Variants in C5orf46 observed in about 807,000 individuals in gnomAD.
C5orf46 encodes the protein chromosome 5 open reading frame 46, also known as uncharacterized protein C5orf46.
Under a neutral mutation model 8.9 loss-of-function variants are expected in C5orf46, and 9 were observed. The ratio of observed to expected loss-of-function variants is 1.01; its 90% CI spans 0.61 to 1.76. C5orf46 has a LOEUF of 1.76. Among genes scored for constraint, C5orf46 ranks in the 40% most tolerant of loss-of-function variants. The pLI is 0.00. For synonymous variants in C5orf46, 47 were observed against 41.4 expected, an observed-to-expected ratio of 1.14 and a Z score of -0.52; for missense variants, 98 against 107.8, an observed-to-expected ratio of 0.91 and a Z score of 0.40.
At chr5:147,886,290 A>G (rs946869453) in intron 2 of C5orf46, 1 of 152,224 alleles carries the variant, frequency 6.6e-6, no homozygotes, top group African/African-American at 2.4e-5. Context: ...ACTGGTTTTG[A>G]TGTAGCAGCA....
chr5:147,889,890 ATC>A (rs1757477707), downstream of C5orf46, among the ~76,000 whole-genome samples: 1 of 152,170 alleles, frequency 6.6e-6, no homozygotes. Context: ...TCCTAATGAA[ATC>A]TGTTTCTTAA....
chr5:147,896,413 C>G (rs987228611), intron 3 of C5orf46, among the ~76,000 whole-genome samples: 1 of 152,174 alleles, frequency 6.6e-6, no homozygotes, highest in African/African-American at 2.4e-5. Flanking sequence ...AGTAAGAACA[C>G]AGTTCATACC....
At chr5:147,886,624 C>A (rs1757424726) in intron 2 of C5orf46, 1 of 151,004 alleles carries the variant, frequency 6.6e-6, no homozygotes, top group African/African-American at 2.4e-5. Flanking sequence ...GTGCTTTTTT[C>A]AAGACATTTT....
At chr5:147,904,295 G>A (rs1435521534) in intron 1 of C5orf46, among the ~76,000 whole-genome samples, 1 of 152,190 alleles carries the variant, frequency 6.6e-6, no homozygotes, top group African/African-American at 2.4e-5. Flanking sequence ...CACAGTTACA[G>A]CAGAGAAGAC....
chr5:147,899,065 C>T (rs1757627585), intron 2 of C5orf46, among the ~76,000 whole-genome samples: 1 of 152,162 alleles, frequency 6.6e-6, no homozygotes. Context: ...TCATTCAAGG[C>T]CCAAATTACA....
intron 2 of C5orf46, among the ~76,000 whole-genome samples, chr5:147,898,913 C>G (rs1757624819): frequency 6.6e-6 from 1 of 152,112 alleles, no homozygotes; most frequent in African/African-American, 2.4e-5. Context: ...TTCATTGTTT[C>G]AAATGCATGT....
intron 2 of C5orf46, among the ~76,000 whole-genome samples, chr5:147,899,418 A>G (rs1185989145): frequency 1.3e-5 from 2 of 152,124 alleles, no homozygotes; most frequent in African/African-American, 4.8e-5. Context: ...TGGCTCTACC[A>G]CCCGCAGATT....
chr5:147,903,975 T>C (rs1000510319), intron 1 of C5orf46, among the ~76,000 whole-genome samples: 4 of 152,258 alleles, frequency 2.6e-5, no homozygotes, highest in Admixed American at 2.6e-4. Context: ...CTCGAACTCC[T>C]GGGCTTGAGT....
chr5:147,905,400 G>C (rs1435738060), intron 1 of C5orf46, among the ~76,000 whole-genome samples: 1 of 152,180 alleles, frequency 6.6e-6, no homozygotes, highest in African/African-American at 2.4e-5. Flanking sequence ...GGTGGTGCCT[G>C]GTCTTGGTAT....
chr5:147,893,907 ATTTT>A (rs112629955), intron 3 of C5orf46, among the ~76,000 whole-genome samples: 1 of 142,864 alleles, frequency 7.0e-6, no homozygotes, highest in South Asian at 2.3e-4. Flanking sequence ...GGGAAGGCAT[ATTTT>A]TTTTTTTTTT....
At chr5:147,904,195 C>T (rs1472431900) in intron 1 of C5orf46, among the ~76,000 whole-genome samples, 8 of 152,162 alleles carry the variant, frequency 5.3e-5, no homozygotes, top group Non-Finnish European at 7.4e-5. Flanking sequence ...GAGGCGGAAG[C>T]GGAACTCATG....
chr5:147,892,423 A>T (rs1342550778), downstream of C5orf46, among the ~76,000 whole-genome samples: 3 of 152,214 alleles, frequency 2.0e-5, no homozygotes, highest in African/African-American at 7.2e-5. Context: ...AGATAGTTTT[A>T]AAATACTTTC....
intron 2 of C5orf46, among the ~76,000 whole-genome samples, chr5:147,900,762 T>C (rs1481315135): frequency 6.6e-6 from 1 of 152,170 alleles, no homozygotes; most frequent in Non-Finnish European, 1.5e-5. Context: ...TAAGGATCTA[T>C]ATGGGAGAAA....
chr5:147,886,527 CTG>C lies in C5orf46; in HGVS notation n.205-5435_205-5434del, dbSNP rs1227197712. 7.9e-4 allele frequency: 119 copies of C among 150,704 alleles called. 1 individual carries two copies. Among genetic ancestry groups the C allele is most frequent in the African/African-American group, 2.7e-3 (112 of 41,194 alleles). The allele number at this position is 150,704 out of a possible 1,614,324, so 9.3% of individuals were successfully genotyped here. ...TATATACAACTATAATTATGTATAA[CTG>C]TAGTTACATATATGCATATATGTAA... On this transcript the variant is annotated intron_variant and non_coding_transcript_variant, in intron 2 of 2. Transcript: ENST00000510432.
intron 2 of C5orf46, chr5:147,886,422 A>G (rs1263051283): frequency 6.6e-6 from 1 of 151,740 alleles, no homozygotes; most frequent in East Asian, 1.9e-4. Context: ...AAATTATTTT[A>G]AAGATCATCA....
At chr5:147,904,251 A>G (rs984081302) in intron 1 of C5orf46, among the ~76,000 whole-genome samples, 1 of 152,246 alleles carries the variant, frequency 6.6e-6, no homozygotes, top group African/African-American at 2.4e-5. Flanking sequence ...CTTTCAGCAC[A>G]TGCCTTAATC....
At position 147,901,547 on chromosome 5, in the gene C5orf46, T is replaced by C. The variant is rs768281907; in HGVS notation, c.215+82A>G. On this transcript the variant is annotated intron_variant, in intron 2 of 3. Coordinates refer to ENST00000318315, the MANE Select transcript of C5orf46 (RefSeq NM_206966.3). ...CTTATGCCACAAATTTTGTTTCTCATGTATTTTAATGCCATGAGGTCATTG... is the reference window on the plus strand; with the variant it reads ...CTTATGCCACAAATTTTGTTTCTCACGTATTTTAATGCCATGAGGTCATTG... 15 of 1,278,168 alleles carry C rather than the reference T, an allele frequency of 1.2e-5. No individual in the cohort carries two copies. The East Asian group carries it at 1.7e-4, about 15-fold the overall frequency. The allele number at this position is 1,278,168 out of a possible 1,614,324, so 79.2% of individuals were successfully genotyped here. A position where few individuals can be genotyped will look rare whatever the true frequency, so the allele number is the denominator to read the frequency against.
chr5:147,901,761 T>G lies in C5orf46; in HGVS notation c.83A>C (p.Asp28Ala). Residue 28 changes from aspartate (D) to alanine (A), a missense_variant, in exon 2 of 4, where the codon GAC becomes GCC. By Grantham distance (126) the Asp-to-Ala change is moderately radical. Transcript: ENST00000318315. ...FLTCYADDKP[D>A]KPDDKPDDSG... Reference sequence around the variant, plus strand: ...GTCGTCTGGCTTGTCGTCTGGCTTGTCTGGTTTGTCGTCTGAAAAACAACA... The same window carrying G: ...GTCGTCTGGCTTGTCGTCTGGCTTGGCTGGTTTGTCGTCTGAAAAACAACA... 1 of 1,613,838 alleles carries G rather than the reference T, an allele frequency of 6.2e-7. No individual in the cohort carries two copies. Among genetic ancestry groups the G allele is most frequent in the Non-Finnish European group, 8.5e-7 (1 of 1,179,904 alleles).
intron 2 of C5orf46, among the ~76,000 whole-genome samples, chr5:147,897,436 A>G (rs528512147): frequency 2.1e-4 from 32 of 152,336 alleles, no homozygotes; most frequent in African/African-American, 7.2e-4. Flanking sequence ...TAAAGATTAA[A>G]CAACCTGTCC....
Sources: gnomAD v4.1 joint callset for allele counts (sites outside exome capture counted in the v4.1 genomes callset) on GRCh38, gnomAD v4.1.1 for gene constraint, MANE v1.5 for transcripts, NCBI Gene and HGNC (gene_info 2026-07-23, HGNC 2026-07-21) for gene names.